The following CDH13 variants were observed in gnomAD, a reference collection of about 807,000 sequenced individuals.
CDH13 encodes the protein cadherin 13.
A neutral mutation model predicts 63.8 loss-of-function variants in CDH13; 24 were observed. That is an observed-to-expected ratio of 0.38 (90% CI 0.27 to 0.53). The LOEUF (loss-of-function observed/expected upper bound fraction) is 0.53, where lower values mean the gene tolerates loss of function less well. Ranked by LOEUF, CDH13 falls within the 20% of genes least tolerant of loss-of-function variation. The probability of loss-of-function intolerance (pLI) is 0.85; values close to 1 mark genes in which losing one functional copy is unlikely to be tolerated. For synonymous variants in CDH13, 503 were observed against 355.3 expected (o/e 1.42, Z -4.67); for missense variants, 1,049 against 903.1 (o/e 1.16, Z -2.07).
chr16:83,426,398 A>G (rs2071896302), intron 6 of CDH13, among the ~76,000 whole-genome samples: 1 of 152,070 alleles, frequency 6.6e-6, no homozygotes, highest in Non-Finnish European at 1.5e-5. Context: ...GTCCTTGCTA[A>G]TATGCCAACT....
chr16:83,045,267 G>A (rs937957879), intron 3 of CDH13, among the ~76,000 whole-genome samples: 1 of 152,134 alleles, frequency 6.6e-6, no homozygotes, highest in African/African-American at 2.4e-5. Flanking sequence ...CTTTCCTCGT[G>A]AACAGAACCT....
chr16:83,345,324 A>T (rs890764111), intron 6 of CDH13, among the ~76,000 whole-genome samples: 2 of 152,190 alleles, frequency 1.3e-5, no homozygotes, highest in Non-Finnish European at 2.9e-5. Flanking sequence ...CCAAGGCTAA[A>T]CTTTGTGCTA....
At chr16:83,375,956 G>A (rs115515896) in intron 6 of CDH13, among the ~76,000 whole-genome samples, 1 of 152,070 alleles carries the variant, frequency 6.6e-6, no homozygotes, top group Admixed American at 6.5e-5. Flanking sequence ...GACTATTAGG[G>A]TGAGTTTAAG....
At chr16:83,306,856 A>G (rs893790106) in intron 5 of CDH13, among the ~76,000 whole-genome samples, 1 of 152,190 alleles carries the variant, frequency 6.6e-6, no homozygotes, top group Non-Finnish European at 1.5e-5. Context: ...TTTGGAAATT[A>G]CCCAGTCTCA....
In CDH13 at chr16:83,234,704, C is replaced by A. The variant is rs79564575; in HGVS notation, c.636+17207C>A. On this transcript the variant is annotated intron_variant, in intron 5 of 13. Coordinates refer to ENST00000567109, the MANE Select transcript of CDH13 (RefSeq NM_001257.5). ...AGAGTGAACAAAACACATTTGTAGC[C>A]CTACCCCCAGCCCCTCTGGAGCTTA... Among the ~76,000 whole-genome samples, 563 of 152,276 alleles carry A rather than the reference C, an allele frequency of 3.7e-3. 6 individuals carry two copies. The highest frequency in any genetic ancestry group is 0.013 in the African/African-American group (532 of 41,556).
At chr16:82,656,567 C>T (rs931079874) in intron 1 of CDH13, among the ~76,000 whole-genome samples, 4 of 152,148 alleles carry the variant, frequency 2.6e-5, no homozygotes, top group Non-Finnish European at 1.5e-5. Context: ...AATGACTCTA[C>T]ATTGACACAT....
intron 10 of CDH13, among the ~76,000 whole-genome samples, chr16:83,722,915 A>C (rs1313598238): frequency 6.6e-6 from 1 of 152,234 alleles, no homozygotes; most frequent in Non-Finnish European, 1.5e-5. Flanking sequence ...CTGAGGTCCC[A>C]CTGAGGAAGG....
At chr16:83,786,722 G>C (rs142811259) in intron 13 of CDH13, among the ~76,000 whole-genome samples, 139 of 152,150 alleles carry the variant, frequency 9.1e-4, no homozygotes, top group African/African-American at 3.2e-3. Context: ...CAGGTAGCTA[G>C]GATTACAGGC....
At chr16:83,315,150 A>G (rs1014609345) in intron 5 of CDH13, among the ~76,000 whole-genome samples, 1 of 152,256 alleles carries the variant, frequency 6.6e-6, no homozygotes, top group African/African-American at 2.4e-5. Flanking sequence ...TATGATGCTT[A>G]TAATTGTGAT....
chr16:82,692,853 G>A (rs1023727609), intron 1 of CDH13, among the ~76,000 whole-genome samples: 4 of 152,238 alleles, frequency 2.6e-5, no homozygotes, highest in African/African-American at 7.2e-5. Context: ...AAGTGACCCC[G>A]GTGATCCTCA....
At chr16:82,816,171 C>T (rs1172010285) in intron 1 of CDH13, among the ~76,000 whole-genome samples, 2 of 152,108 alleles carry the variant, frequency 1.3e-5, no homozygotes, top group Non-Finnish European at 2.9e-5. Context: ...TACGTACATA[C>T]AAGGAGCCCC....
intron 7 of CDH13, among the ~76,000 whole-genome samples, chr16:83,565,427 G>C (rs944322849): frequency 2.8e-5 from 4 of 143,420 alleles, no homozygotes; most frequent in African/African-American, 1.1e-4. Context: ...CGGAAGGACT[G>C]ATTACCGAGT....
intron 6 of CDH13, among the ~76,000 whole-genome samples, chr16:83,396,930 T>C (rs866595193): frequency 2.6e-5 from 4 of 152,198 alleles, no homozygotes; most frequent in African/African-American, 7.2e-5. Context: ...CAGGTTCCAG[T>C]TGAGGAAGCT....
At chr16:83,313,099 C>T (rs1273613194) in intron 5 of CDH13, among the ~76,000 whole-genome samples, 1 of 152,184 alleles carries the variant, frequency 6.6e-6, no homozygotes, top group African/African-American at 2.4e-5. Context: ...GCAAGTGAAG[C>T]TCATGCACAT....
intron 4 of CDH13, chr16:83,171,380 A>C (rs963934706): frequency 5.6e-5 from 39 of 700,540 alleles, no homozygotes; most frequent in Non-Finnish European, 8.9e-5. Flanking sequence ...ACCTGCCACC[A>C]GGCCCCACCT....
chr16:83,649,014 CA>C (rs1278747765), intron 8 of CDH13, among the ~76,000 whole-genome samples: 2 of 152,222 alleles, frequency 1.3e-5, no homozygotes, highest in South Asian at 2.1e-4. Context: ...GACATCTTAT[CA>C]CTGGGGAAGG....
At chr16:83,007,838 G>A (rs8052951) in intron 2 of CDH13, among the ~76,000 whole-genome samples, 21,003 of 148,476 alleles carry the variant, frequency 0.14, 1,712 homozygotes, top group African/African-American at 0.21. Context: ...AAAAAAAAAA[G>A]AGAGAAAAGA....
intron 6 of CDH13, among the ~76,000 whole-genome samples, chr16:83,370,540 T>C: frequency 6.6e-6 from 1 of 152,256 alleles, no homozygotes; most frequent in Non-Finnish European, 1.5e-5. Context: ...TCACAGGGGT[T>C]TGGTGTACAG....
At chr16:83,662,398 T>C (rs1913518675) in intron 8 of CDH13, among the ~76,000 whole-genome samples, 1 of 152,178 alleles carries the variant, frequency 6.6e-6, no homozygotes, top group South Asian at 2.1e-4. Context: ...CACAAAATTG[T>C]CCGTAGAAGA....
Sources: gnomAD v4.1 joint callset for allele counts (sites outside exome capture counted in the v4.1 genomes callset) on GRCh38, gnomAD v4.1.1 for gene constraint, MANE v1.5 for transcripts, NCBI Gene and HGNC (gene_info 2026-07-23, HGNC 2026-07-21) for gene names.